PHF14: variants seen among roughly 807,000 people sequenced by gnomAD.
PHF14 encodes PHD finger protein 14.
PHF14 carries 55 observed loss-of-function variants against 117.9 expected under a neutral mutation model. The ratio of observed to expected loss-of-function variants is 0.47; its 90% CI spans 0.38 to 0.58. The LOEUF (loss-of-function observed/expected upper bound fraction) is 0.58. PHF14 is among the 20% of genes least tolerant of loss of function. The pLI is 0.00. For synonymous variants in PHF14, 409 were observed against 368.6 expected, an observed-to-expected ratio of 1.11 and a Z score of -1.26; for missense variants, 978 against 1,122.2, an observed-to-expected ratio of 0.87 and a Z score of 1.84.
intron 3 of PHF14, among the ~76,000 whole-genome samples, chr7:10,985,638 GTTTTTTT>G (rs61250143): frequency 2.2e-5 from 1 of 45,962 alleles, no homozygotes; most frequent in East Asian, 7.6e-4. Context: ...TTCTCAAACT[GTTTTTTT>G]TTTTTTTTTT....
chr7:11,104,518 C>G, intron 16 of PHF14: 1 of 981,184 alleles, frequency 1.0e-6, no homozygotes, highest in Non-Finnish European at 1.2e-6. Context: ...ATTTCACAGA[C>G]CTACATAAGA....
rs61250143 is a variant in PHF14, at chr7:10,985,638, G to GTTTTTTTT, written c.900+2503_900+2510dup. On this transcript the variant is annotated intron_variant, in intron 3 of 17. Transcript: ENST00000634607. Reference sequence around the variant, plus strand: ...ACTCTCTAGCAGTGATTCTCAAACTGTTTTTTTTTTTTTTTTTTTTTTTTT... The same window carrying GTTTTTTTT: ...ACTCTCTAGCAGTGATTCTCAAACTGTTTTTTTTTTTTTTTTTTTTTTTTTTTTTTTTT... Among the ~76,000 whole-genome samples the GTTTTTTTT allele has an allele frequency of 5.2e-4, 24 of 45,960 alleles. 2 individuals are homozygous for GTTTTTTTT. Among genetic ancestry groups the GTTTTTTTT allele is most frequent in the Admixed American group, 8.4e-4 (2 of 2,376 alleles). 30.2% of individuals were successfully genotyped at this position (45,960 alleles called of 152,430 possible). A position where few individuals can be genotyped will look rare whatever the true frequency, so the allele number is the denominator to read the frequency against.
chr7:11,059,521 A>T (rs1785136459), intron 14 of PHF14, among the ~76,000 whole-genome samples: 1 of 152,186 alleles, frequency 6.6e-6, no homozygotes, highest in Non-Finnish European at 1.5e-5. Context: ...CACACCTGTA[A>T]TCTGAGTACT....
chr7:11,060,508 A>G (rs146578081), intron 14 of PHF14, among the ~76,000 whole-genome samples: 22 of 152,262 alleles, frequency 1.4e-4, no homozygotes, highest in African/African-American at 5.3e-4. Context: ...CCTTAAACTT[A>G]TGTGTATTTG....
At chr7:11,007,804 T>G (rs1182552318) in intron 4 of PHF14, among the ~76,000 whole-genome samples, 2 of 152,228 alleles carry the variant, frequency 1.3e-5, no homozygotes, top group African/African-American at 4.8e-5. Flanking sequence ...AGAAATATGC[T>G]TATTCTCAAG....
At chr7:11,166,577 C>G (rs1789206979) in intron 17 of PHF14, among the ~76,000 whole-genome samples, 1 of 152,036 alleles carries the variant, frequency 6.6e-6, no homozygotes, top group Non-Finnish European at 1.5e-5. Flanking sequence ...AAAGACTTCC[C>G]TAGAGCTTTA....
At position 11,168,567 on chromosome 7, in the gene PHF14, ATACT is replaced by A. The variant is rs1340637496; in HGVS notation, c.2773-846_2773-843del. ...TGATGATTATTACTGTTGTCTAGAA[ATACT>A]TAAATTGATGTTTATGCTTTAATTA... On this transcript the variant is annotated intron_variant, in intron 17 of 17. Coordinates refer to ENST00000634607, the MANE Select transcript of PHF14 (RefSeq NM_001007157.2). 3.3e-5 allele frequency among the ~76,000 whole-genome samples: 5 copies of A among 152,322 alleles called. No individual in the cohort carries two copies. The South Asian group carries it at 6.2e-4, about 19-fold the overall frequency.
At chr7:11,046,506 CTTTG>C (rs2128325176) in intron 13 of PHF14, among the ~76,000 whole-genome samples, 2 of 152,008 alleles carry the variant, frequency 1.3e-5, no homozygotes, top group African/African-American at 4.8e-5. Flanking sequence ...GGGTTTTTTC[CTTTG>C]TTTTTCTTGA....
intron 16 of PHF14, chr7:11,105,678 A>G (rs1667730225): frequency 2.0e-6 from 2 of 983,572 alleles, no homozygotes; most frequent in Non-Finnish European, 2.4e-6. Context: ...TTTCTAAGAT[A>G]GGCATGCTTT....
chr7:10,992,609 G>C (rs1782501616), intron 4 of PHF14, among the ~76,000 whole-genome samples: 1 of 152,014 alleles, frequency 6.6e-6, no homozygotes, highest in Non-Finnish European at 1.5e-5. Context: ...GTTGCAGTGA[G>C]CCGAGATGGT....
chr7:10,981,062 A>G (rs17149825), intron 2 of PHF14, among the ~76,000 whole-genome samples: 2,182 of 152,098 alleles, frequency 0.014, 52 homozygotes, highest in East Asian at 0.11. Flanking sequence ...TTTTTATGCA[A>G]TTTTGCTTGC....
chr7:11,161,510 A>G (rs1276083014), intron 17 of PHF14, among the ~76,000 whole-genome samples: 1 of 151,922 alleles, frequency 6.6e-6, no homozygotes, highest in Admixed American at 6.6e-5. Flanking sequence ...TAATGGGCCA[A>G]TCACTGATTT....
intron 13 of PHF14, among the ~76,000 whole-genome samples, chr7:11,046,026 G>A (rs141425399): frequency 0.02 from 3,050 of 152,302 alleles, 48 homozygotes; most frequent in Non-Finnish European, 0.032. Flanking sequence ...GATGTGAAAA[G>A]CTAGTAAAGA....
rs550111122 is a variant in PHF14, at chr7:11,127,898, T to C, written c.2772+16431T>C. 6.6e-5 allele frequency among the ~76,000 whole-genome samples: 10 copies of C among 152,236 alleles called. No homozygotes were observed. In the East Asian group the frequency reaches 1.9e-3, roughly 29 times the overall value. ...ACCATGACTTAAATCATGATTTTTTTTTTCATAATTATCACTTCTTTCACT... is the reference window on the plus strand; with the variant it reads ...ACCATGACTTAAATCATGATTTTTTCTTTCATAATTATCACTTCTTTCACT... On this transcript the variant is annotated intron_variant, in intron 17 of 17. Coordinates refer to ENST00000634607, the MANE Select transcript of PHF14 (RefSeq NM_001007157.2).
chr7:11,038,030 C>T (rs1223889370), intron 10 of PHF14, among the ~76,000 whole-genome samples: 1 of 151,880 alleles, frequency 6.6e-6, no homozygotes, highest in Non-Finnish European at 1.5e-5. Context: ...AGTAAAAATG[C>T]CAGCAGAAAA....
At chr7:11,137,250 G>C (rs1223675679) in intron 17 of PHF14, among the ~76,000 whole-genome samples, 2 of 152,108 alleles carry the variant, frequency 1.3e-5, no homozygotes, top group African/African-American at 4.8e-5. Flanking sequence ...GAGGACTTTT[G>C]ATCAATTGCT....
intron 2 of PHF14, 24 bp downstream of exon 2, chr7:10,974,969 C>A: frequency 8.7e-7 from 1 of 1,155,272 alleles, no homozygotes; most frequent in Non-Finnish European, 1.3e-6. Flanking sequence ...TCTCTCTTCC[C>A]CTTTCCCAGC....
intron 16 of PHF14, among the ~76,000 whole-genome samples, chr7:11,067,193 A>G (rs1217306505): frequency 6.6e-6 from 1 of 152,234 alleles, no homozygotes; most frequent in Non-Finnish European, 1.5e-5. Context: ...GTAGCCAACA[A>G]GCATATGAAA....
intron 2 of PHF14, among the ~76,000 whole-genome samples, chr7:10,979,553 CTTTTTTTT>C (rs202055293): frequency 7.6e-6 from 1 of 131,804 alleles, no homozygotes; most frequent in Non-Finnish European, 1.6e-5. Flanking sequence ...CTTTCTCTCT[CTTTTTTTT>C]TTTTTTTTGG....
Sources: gnomAD v4.1 joint callset for allele counts (sites outside exome capture counted in the v4.1 genomes callset) on GRCh38, gnomAD v4.1.1 for gene constraint, MANE v1.5 for transcripts, NCBI Gene and HGNC (gene_info 2026-07-23, HGNC 2026-07-21) for gene names.